The following LEO1 variants were observed in gnomAD, a reference collection of about 807,000 sequenced individuals.
LEO1 encodes LEO1 component of Paf1/RNA polymerase II complex, also known as RNA polymerase-associated protein LEO1.
In LEO1, 34 loss-of-function variants were observed where a neutral mutation model predicts 80.4. That is an observed-to-expected ratio of 0.42 (90% CI 0.32 to 0.56). The LOEUF is 0.56. Ranked by LOEUF, LEO1 falls within the 20% of genes least tolerant of loss-of-function variation. The pLI, the probability that LEO1 is intolerant of heterozygous loss-of-function variation, is 0.10. For synonymous variants in LEO1, 262 were observed against 274.9 expected, an observed-to-expected ratio of 0.95 and a Z score of 0.46; for missense variants, 631 against 814.2, an observed-to-expected ratio of 0.77 and a Z score of 2.74.
chr15:51,954,169 C>T (rs1422613795), intron 7 of LEO1, among the ~76,000 whole-genome samples: 4 of 151,312 alleles, frequency 2.6e-5, no homozygotes, highest in African/African-American at 9.7e-5. Flanking sequence ...GTGATCCACC[C>T]ACCTCGGCCT....
chr15:51,949,798 C>G lies in LEO1; in HGVS notation c.1798+10G>C. The G allele has an allele frequency of 6.2e-7, 1 of 1,609,328 alleles. No homozygotes were observed. Among genetic ancestry groups the G allele is most frequent in the Non-Finnish European group, 8.5e-7 (1 of 1,177,540 alleles). On this transcript the variant is annotated intron_variant, in intron 10 of 11. Coordinates refer to ENST00000299601, the MANE Select transcript of LEO1 (RefSeq NM_138792.4). Reference sequence around the variant, plus strand: ...GAAATGATGAAATGTAATTTCCATACACGACTCACCTCGAATGCCCCCTTT... The same window carrying G: ...GAAATGATGAAATGTAATTTCCATAGACGACTCACCTCGAATGCCCCCTTT...
chr15:51,943,347 C>G (rs1048498892), intron 11 of LEO1, among the ~76,000 whole-genome samples: 1 of 150,804 alleles, frequency 6.6e-6, no homozygotes, highest in Non-Finnish European at 1.5e-5. Context: ...CCACTGCACT[C>G]CAGCCTGGGC....
chr15:51,961,559 A>C (rs1296773221), intron 3 of LEO1, among the ~76,000 whole-genome samples: 1 of 151,804 alleles, frequency 6.6e-6, no homozygotes, highest in Non-Finnish European at 1.5e-5. Context: ...CGCCCCGCTA[A>C]TGTTTTGTAT....
intron 6 of LEO1, 182 bp from the exon 7 acceptor site, chr15:51,954,757 G>A (rs1555392911): frequency 1.8e-6 from 1 of 556,256 alleles, no homozygotes; most frequent in Non-Finnish European, 3.2e-6. Flanking sequence ...TAAATTAAAA[G>A]CAGGGAAAAA....
At chr15:51,962,305 A>G in intron 3 of LEO1, 84 bp downstream of exon 3, 1 of 871,626 alleles carries the variant, frequency 1.1e-6, no homozygotes, top group Non-Finnish European at 1.7e-6. Flanking sequence ...ATCTGGGGTA[A>G]ACACACTCAG....
At chr15:51,957,746 C>T (rs2057000378) in intron 6 of LEO1, among the ~76,000 whole-genome samples, 1 of 152,124 alleles carries the variant, frequency 6.6e-6, no homozygotes, top group South Asian at 2.1e-4. Context: ...CAAGGCCAGG[C>T]GCGGTGGCTC....
chr15:51,948,906 C>T (rs374203185), intron 10 of LEO1, among the ~76,000 whole-genome samples: 1 of 152,152 alleles, frequency 6.6e-6, no homozygotes, highest in Non-Finnish European at 1.5e-5. Context: ...ACAGATGTCT[C>T]GGAAGTCAGA....
chr15:51,950,668 T>C (rs2056942320), intron 9 of LEO1, among the ~76,000 whole-genome samples: 1 of 152,242 alleles, frequency 6.6e-6, no homozygotes, highest in Non-Finnish European at 1.5e-5. Context: ...CTCTGTATTA[T>C]CATATACAAC....
At chr15:51,945,258 A>T (rs1354402064) in intron 11 of LEO1, among the ~76,000 whole-genome samples, 1 of 144,322 alleles carries the variant, frequency 6.9e-6, no homozygotes, top group Admixed American at 7.0e-5. Context: ...CTCTACAAAA[A>T]ATACAAAAAA....
Position 51,964,256 on chromosome 15 carries a change from T to C in LEO1, c.814+1493A>G, listed in dbSNP as rs578044705. Among the ~76,000 whole-genome samples the C allele has an allele frequency of 6.0e-5, 9 of 150,950 alleles. No homozygotes were observed. In the South Asian group the frequency reaches 1.3e-3, roughly 21 times the overall value. On this transcript the variant is annotated intron_variant, in intron 2 of 11. Transcript: ENST00000299601. The stretch of plus-strand genomic sequence containing the variant: ...GTCCTTTGCAGGGACATGAGGGACA[T>C]GGATGAAGCTGGAAACCATCATTCT...
chr15:51,970,622 T>C (rs942367720), intron 1 of LEO1, among the ~76,000 whole-genome samples: 2 of 152,224 alleles, frequency 1.3e-5, no homozygotes, highest in Non-Finnish European at 1.5e-5. Flanking sequence ...ATTCAATTTA[T>C]ATGAAATTCC....
chr15:51,959,281 G>A (rs1236480270), intron 5 of LEO1, among the ~76,000 whole-genome samples: 1 of 152,138 alleles, frequency 6.6e-6, no homozygotes, highest in East Asian at 1.9e-4. Flanking sequence ...TGGGATTATA[G>A]GTGTGAACCA....
chr15:51,968,851 A>T (rs945520807), intron 1 of LEO1, among the ~76,000 whole-genome samples: 1 of 152,204 alleles, frequency 6.6e-6, no homozygotes, highest in African/African-American at 2.4e-5. Flanking sequence ...GAAAGTGAAA[A>T]AACAACCTAC....
At chr15:51,951,513 C>T (rs1329738786) in intron 9 of LEO1, among the ~76,000 whole-genome samples, 2 of 152,194 alleles carry the variant, frequency 1.3e-5, no homozygotes, top group African/African-American at 4.8e-5. Context: ...TCTAGTATCT[C>T]CACTGACTTC....
intron 11 of LEO1, among the ~76,000 whole-genome samples, chr15:51,941,108 C>T (rs1032524625): frequency 7.5e-6 from 1 of 132,600 alleles, no homozygotes; most frequent in Non-Finnish European, 1.7e-5. Flanking sequence ...AATAAATAAG[C>T]AAGCCAGCCA....
rs145842611 is a variant in LEO1, at chr15:51,950,350, TGGAGCAGCAGTG to T, written c.1612-368_1612-357del. The stretch of plus-strand genomic sequence containing the variant: ...CCAGCAGAAACCTAAATTGACTCCC[TGGAGCAGCAGTG>T]GCTGTTCCTGTTCATCCCTGAACCA... On this transcript the variant is annotated intron_variant, in intron 9 of 11. Transcript: ENST00000299601. Among the ~76,000 whole-genome samples the T allele has an allele frequency of 2.6e-3, 401 of 152,202 alleles. 5 individuals carry two copies. The highest frequency in any genetic ancestry group is 9.3e-3 in the African/African-American group (388 of 41,566).
At chr15:51,944,720 A>G (rs921496195) in intron 11 of LEO1, among the ~76,000 whole-genome samples, 51 of 151,990 alleles carry the variant, frequency 3.4e-4, no homozygotes, top group African/African-American at 1.2e-3. Context: ...CACATTTTGA[A>G]ATAGTAATGA....
chr15:51,956,376 C>A lies in LEO1; in HGVS notation c.1246-1801G>T, dbSNP rs367816290. ...CGGGGGTTGCAGTGAGCTGAGATTG[C>A]GCCACTGCATTCCAGCCTGGGCGAC... On this transcript the variant is annotated intron_variant, in intron 6 of 11. Transcript: ENST00000299601. Among the ~76,000 whole-genome samples, 4 of 146,584 alleles carry A rather than the reference C, an allele frequency of 2.7e-5. No homozygotes were observed. The South Asian group carries it at 8.8e-4, about 32-fold the overall frequency.
chr15:51,941,184 A>AATC (rs1335288915), intron 11 of LEO1, among the ~76,000 whole-genome samples: 1 of 152,234 alleles, frequency 6.6e-6, no homozygotes, highest in African/African-American at 2.4e-5. Context: ...AAGGTGAGAG[A>AATC]ATCCTTCAGG....
Sources: allele counts gnomAD v4.1 joint callset (sites outside exome capture counted in the v4.1 genomes callset), GRCh38; gene constraint gnomAD v4.1.1; transcripts MANE v1.5; gene names NCBI Gene and HGNC (gene_info 2026-07-23, HGNC 2026-07-21).